Variants in ZCCHC14 observed in about 807,000 individuals in gnomAD.
ZCCHC14 encodes zinc finger CCHC domain-containing protein 14.
A neutral mutation model predicts 85.0 loss-of-function variants in ZCCHC14; 16 were observed. The ratio of observed to expected loss-of-function variants is 0.19; its 90% CI spans 0.13 to 0.29. The LOEUF (loss-of-function observed/expected upper bound fraction) is 0.29, where lower values mean the gene tolerates loss of function less well. Ranked by LOEUF, ZCCHC14 falls within the 10% of genes least tolerant of loss-of-function variation. The pLI is 1.00. For missense variants in ZCCHC14, 1,303 were observed against 1,443.5 expected (o/e 0.90, Z 1.58); for synonymous variants, 775 against 630.7 (o/e 1.23, Z -3.43).
chr16:87,463,243 G>A (rs989912964), intron 1 of ZCCHC14, among the ~76,000 whole-genome samples: 1 of 152,214 alleles, frequency 6.6e-6, no homozygotes, highest in East Asian at 1.9e-4. Context: ...TTAGCTGGGT[G>A]TCGTGGCCTG....
Position 87,412,239 on chromosome 16 carries a change from T to C in ZCCHC14, c.2482A>G (p.Met828Val), listed in dbSNP as rs1162329382. The stretch of plus-strand genomic sequence containing the variant: ...CCACCCTGCAGGGGGCCCACTGGCA[T>C]ACTGCTCATTGCAGAAAAGGCAACT... ...TKVAFSAMSS[M>V]PVGPLQGGFC... The change falls in exon 12 of 13, where the codon ATG becomes GTG. Residue 828 changes from methionine to valine, a missense_variant. Physicochemically the swap from Met to Val is conservative, Grantham distance 21. Transcript: ENST00000671377. 1 of 1,612,526 alleles carries C rather than the reference T, an allele frequency of 6.2e-7. No homozygotes were observed. The highest frequency in any genetic ancestry group is 1.3e-5 in the African/African-American group (1 of 75,030).
intron 1 of ZCCHC14, among the ~76,000 whole-genome samples, chr16:87,464,668 A>G (rs1337957045): frequency 6.6e-6 from 1 of 152,200 alleles, no homozygotes; most frequent in African/African-American, 2.4e-5. Context: ...TTTCCTCCGT[A>G]TATTTTCCCA....
Position 87,412,679 on chromosome 16 carries a change from C to T in ZCCHC14, c.2042G>A (p.Gly681Glu), listed in dbSNP as rs1481315524. 2 of 1,614,214 alleles carry T rather than the reference C, an allele frequency of 1.2e-6. No individual in the cohort carries two copies. The highest frequency in any genetic ancestry group is 1.7e-6 in the Non-Finnish European group (2 of 1,180,050). ...GTCCACTTTCATGCTGCTTCTTGGT[C>T]CAGATCCTTTATTCCTTTCTTCTAG... is the stretch of plus-strand genomic sequence containing the variant. ...LSLEERNKGS[G>E]PRSSMKVDKS... The change falls in exon 12 of 13, where the codon GGA becomes GAA. Residue 681 changes from glycine (G) to glutamate (E), a missense_variant. Gly to Glu is a moderately conservative substitution (Grantham distance 98). Transcript: ENST00000671377.
At chr16:87,467,807 A>G (rs1911597079) in intron 1 of ZCCHC14, among the ~76,000 whole-genome samples, 1 of 152,040 alleles carries the variant, frequency 6.6e-6, no homozygotes, top group African/African-American at 2.4e-5. Flanking sequence ...GCGCACCACC[A>G]CGCCCGGCTA....
rs182591048 is a variant in ZCCHC14 at position 87,462,420 on chromosome 16, A to G, written c.571-2289T>C. Reference sequence around the variant, plus strand: ...TACATATTACTTTGCAAGACAACTCAGGAGGTTAACACATTAACTGTACAA... The same window carrying G: ...TACATATTACTTTGCAAGACAACTCGGGAGGTTAACACATTAACTGTACAA... On this transcript the variant is annotated intron_variant, in intron 1 of 12. Transcript: ENST00000671377. Among the ~76,000 whole-genome samples, 19 of 152,318 alleles carry G rather than the reference A, an allele frequency of 1.2e-4. No individual in the cohort carries two copies. The East Asian group carries it at 3.7e-3, about 29-fold the overall frequency.
intron 3 of ZCCHC14, among the ~76,000 whole-genome samples, chr16:87,425,263 G>A (rs1479827082): frequency 2.0e-5 from 3 of 152,136 alleles, no homozygotes; most frequent in East Asian, 3.8e-4. Context: ...TTGCCACCCA[G>A]AATCTTCCAC....
chr16:87,418,243 A>T (rs918290610), intron 7 of ZCCHC14, among the ~76,000 whole-genome samples: 3 of 152,226 alleles, frequency 2.0e-5, no homozygotes, highest in African/African-American at 7.2e-5. Context: ...TTTTTCTAGA[A>T]AAGTAAAACG....
chr16:87,431,300 C>G lies in ZCCHC14; in HGVS notation c.768+1828G>C, dbSNP rs552383320. The stretch of plus-strand genomic sequence containing the variant: ...CATCCTGGCTAACATGGTGAAACCC[C>G]GTCTCTACTAAAAATACAAAAAATT... On this transcript the variant is annotated intron_variant, in intron 3 of 12. Transcript: ENST00000671377. 9.9e-5 allele frequency among the ~76,000 whole-genome samples: 15 copies of G among 151,710 alleles called. No individual in the cohort carries two copies. In the South Asian group the frequency reaches 2.7e-3, roughly 27 times the overall value.
At position 87,408,953 on chromosome 16, in the gene ZCCHC14, G is replaced by A. The variant is rs564314533; in HGVS notation, c.*1327C>T. On this transcript the variant is annotated 3_prime_UTR_variant, in exon 13 of 13. Coordinates refer to ENST00000671377, the MANE Select transcript of ZCCHC14 (RefSeq NM_015144.3). ...TTTCGATAAGAGTATTATTTGAGCA[G>A]AAAATTCCCTTTAACCTTGAAGATT... The A allele has an allele frequency of 2.4e-4, 36 of 152,752 alleles. No homozygotes were observed. Among genetic ancestry groups the A allele is most frequent in the Non-Finnish European group, 4.3e-4 (29 of 68,028 alleles). 9.5% of individuals were successfully genotyped at this position (152,752 alleles called of 1,614,324 possible).
chr16:87,420,798 G>C lies in ZCCHC14; in HGVS notation c.841-82C>G. ...ATTCTGCTACTGCAGGAAAACCTGG[G>C]GCAGGTGCTCCATGGTGCCGCCTGC... On this transcript the variant is annotated intron_variant, in intron 4 of 12. Transcript: ENST00000671377. The surrounding 1 kb of genome is among the most constrained non-coding windows in gnomAD (Gnocchi z 5.0). 1 of 1,218,158 alleles carries C rather than the reference G, an allele frequency of 8.2e-7. No individual in the cohort carries two copies. Among genetic ancestry groups the C allele is most frequent in the African/African-American group, 1.5e-5 (1 of 65,628 alleles). 75.5% of individuals were successfully genotyped at this position (1,218,158 alleles called of 1,614,324 possible). A position where few individuals can be genotyped will look rare whatever the true frequency, so the allele number is the denominator to read the frequency against.
At chr16:87,480,107 A>T (rs539565042) in intron 1 of ZCCHC14, among the ~76,000 whole-genome samples, 1 of 152,088 alleles carries the variant, frequency 6.6e-6, no homozygotes, top group East Asian at 1.9e-4. Flanking sequence ...TATAAAGTTA[A>T]AAATAAGAAA....
At chr16:87,434,940 G>A (rs1176675790) in intron 2 of ZCCHC14, among the ~76,000 whole-genome samples, 5 of 137,228 alleles carry the variant, frequency 3.6e-5, no homozygotes, top group Non-Finnish European at 7.5e-5. Flanking sequence ...GCAGTGAGCC[G>A]ATATCGCGCC....
At chr16:87,418,270 G>A (rs1265659791) in intron 7 of ZCCHC14, among the ~76,000 whole-genome samples, 1 of 152,234 alleles carries the variant, frequency 6.6e-6, no homozygotes. Context: ...GCTGGAAGGT[G>A]TGACCGGCAC....
At chr16:87,410,769 C>T (rs1186262424) in intron 12 of ZCCHC14, among the ~76,000 whole-genome samples, 1 of 152,198 alleles carries the variant, frequency 6.6e-6, no homozygotes, top group African/African-American at 2.4e-5. Flanking sequence ...GCCTGCAGGC[C>T]TGCTGAGTCA....
intron 2 of ZCCHC14, among the ~76,000 whole-genome samples, chr16:87,459,559 G>C (rs1342668133): frequency 1.3e-5 from 2 of 151,486 alleles, no homozygotes; most frequent in African/African-American, 2.4e-5. Flanking sequence ...GCCCAGGCTG[G>C]AGTGCAATGG....
intron 2 of ZCCHC14, 29 bp downstream of exon 2, chr16:87,459,979 G>T: frequency 6.2e-7 from 1 of 1,613,734 alleles, no homozygotes. Context: ...TCCGTCAGAC[G>T]TCCTCCTGAA....
intron 12 of ZCCHC14, 36 bp downstream of exon 12, chr16:87,411,480 G>A (rs771289806): frequency 1.2e-5 from 19 of 1,608,138 alleles, no homozygotes; most frequent in Admixed American, 3.4e-5. Context: ...CTGGTCCTGC[G>A]GGAGCCTGGT....
chr16:87,414,067 CAG>C (rs1232656921), intron 10 of ZCCHC14, among the ~76,000 whole-genome samples: 1 of 152,266 alleles, frequency 6.6e-6, no homozygotes, highest in East Asian at 1.9e-4. Flanking sequence ...AATGATCAAA[CAG>C]AACACAAGGC....
intron 1 of ZCCHC14, chr16:87,473,133 T>A (rs1911848284): frequency 6.6e-6 from 1 of 152,064 alleles, no homozygotes; most frequent in Non-Finnish European, 1.5e-5. Context: ...AGATGCAATC[T>A]AACTCCACTG....
Sources: gnomAD v4.1 joint callset for allele counts (sites outside exome capture counted in the v4.1 genomes callset) on GRCh38, gnomAD v4.1.1 for gene constraint, Gnocchi (gnomAD v3.1) non-coding constraint, MANE v1.5 for transcripts, NCBI Gene and HGNC (gene_info 2026-07-23, HGNC 2026-07-21) for gene names.